The following SLC4A4 variants were observed in gnomAD, a reference collection of about 807,000 sequenced individuals.
SLC4A4 encodes the protein electrogenic sodium bicarbonate cotransporter 1.
A neutral mutation model predicts 111.5 loss-of-function variants in SLC4A4; 27 were observed. That is an observed-to-expected ratio of 0.24 (90% CI 0.18 to 0.33). SLC4A4 has a LOEUF of 0.33. SLC4A4 is among the 10% of genes least tolerant of loss of function. SLC4A4 has a pLI of 1.00. For synonymous variants in SLC4A4, 443 were observed against 463.4 expected, an observed-to-expected ratio of 0.96 and a Z score of 0.57; for missense variants, 909 against 1,315.5, an observed-to-expected ratio of 0.69 and a Z score of 4.78.
At chr4:71,172,813 C>T (rs1184346873) in intron 2 of SLC4A4, among the ~76,000 whole-genome samples, 1 of 152,184 alleles carries the variant, frequency 6.6e-6, no homozygotes, top group Non-Finnish European at 1.5e-5. Context: ...AAAGATTTCC[C>T]TCCTCCGCTT....
intron 3 of SLC4A4, among the ~76,000 whole-genome samples, chr4:71,291,500 C>A (rs868373980): frequency 2.6e-5 from 4 of 151,834 alleles, no homozygotes; most frequent in East Asian, 1.9e-4. Flanking sequence ...AGTGCAGTGG[C>A]AAAATCATAG....
At chr4:71,325,927 A>C (rs910936214) in intron 3 of SLC4A4, among the ~76,000 whole-genome samples, 1 of 151,900 alleles carries the variant, frequency 6.6e-6, no homozygotes, top group Admixed American at 6.6e-5. Context: ...TATGTTTATA[A>C]AACTTTATTC....
At chr4:71,408,093 C>T (rs555153841) in intron 7 of SLC4A4, among the ~76,000 whole-genome samples, 7 of 152,272 alleles carry the variant, frequency 4.6e-5, no homozygotes, top group African/African-American at 1.4e-4. Flanking sequence ...TATAAACTTA[C>T]AATCTGAGAT....
intron 7 of SLC4A4, among the ~76,000 whole-genome samples, chr4:71,410,971 C>T (rs982148370): frequency 6.6e-6 from 1 of 152,116 alleles, no homozygotes; most frequent in Non-Finnish European, 1.5e-5. Context: ...AGAAAGCTGA[C>T]AAAGCACTGT....
rs912648733 is a variant in SLC4A4 at position 71,376,825 on chromosome 4, C to T, written c.730+19638C>T. Among the ~76,000 whole-genome samples, 8 of 151,578 alleles carry T rather than the reference C, an allele frequency of 5.3e-5. No homozygotes were observed. In the East Asian group the frequency reaches 7.8e-4, roughly 15 times the overall value. On this transcript the variant is annotated intron_variant, in intron 6 of 25. Coordinates refer to ENST00000264485, the MANE Select transcript of SLC4A4 (RefSeq NM_001098484.3). ...CTAATTTTTGTGTTTTTAGTAGAGA[C>T]GGGGTTTTGCCATGTTGCCGAGGCT...
intron 3 of SLC4A4, among the ~76,000 whole-genome samples, chr4:71,297,370 C>G (rs1724873778): frequency 6.6e-6 from 1 of 152,132 alleles, no homozygotes; most frequent in Admixed American, 6.5e-5. Context: ...TAGCATCATA[C>G]ATCTTCTCTG....
chr4:71,496,184 A>G (rs1187875567), intron 15 of SLC4A4, among the ~76,000 whole-genome samples: 1 of 152,102 alleles, frequency 6.6e-6, no homozygotes, highest in Non-Finnish European at 1.5e-5. Context: ...TGATTAAATC[A>G]TCCAAGTTTC....
chr4:71,085,816 A>G (rs1742150405), intron 1 of SLC4A4, among the ~76,000 whole-genome samples: 1 of 151,980 alleles, frequency 6.6e-6, no homozygotes, highest in Non-Finnish European at 1.5e-5. Flanking sequence ...GCCTTGTAGT[A>G]TAGTTCAAAG....
At chr4:71,382,073 T>A (rs1718195018) in intron 6 of SLC4A4, among the ~76,000 whole-genome samples, 1 of 152,078 alleles carries the variant, frequency 6.6e-6, no homozygotes, top group Non-Finnish European at 1.5e-5. Context: ...ATACAAATAT[T>A]TAGAGGAAAG....
rs1257931654 is a variant in SLC4A4, at chr4:71,569,661, A to C, written c.*1910A>C. On this transcript the variant is annotated 3_prime_UTR_variant, in exon 26 of 26. Coordinates refer to ENST00000264485, the MANE Select transcript of SLC4A4 (RefSeq NM_001098484.3). The stretch of plus-strand genomic sequence containing the variant: ...ATAACCAGTTGTTGAGGGGTATACT[A>C]GAAGCAGAATGAAACCACATTTTTT... 2 of 151,710 alleles carry C rather than the reference A, an allele frequency of 1.3e-5. No individual in the cohort carries two copies. The highest frequency in any genetic ancestry group is 3.0e-5 in the Non-Finnish European group (2 of 67,790). 9.4% of individuals were successfully genotyped at this position (151,710 alleles called of 1,614,324 possible).
At chr4:71,145,229 G>A (rs1042218091) in intron 2 of SLC4A4, among the ~76,000 whole-genome samples, 6 of 151,926 alleles carry the variant, frequency 3.9e-5, no homozygotes, top group African/African-American at 7.2e-5. Context: ...TCTTTGGTTC[G>A]TTTATATGCT....
intron 6 of SLC4A4, among the ~76,000 whole-genome samples, chr4:71,367,050 C>A (rs1049630818): frequency 6.6e-6 from 1 of 152,152 alleles, no homozygotes; most frequent in Non-Finnish European, 1.5e-5. Flanking sequence ...CTGGCGAGTG[C>A]CAGGCTTCAT....
At chr4:71,296,929 T>G (rs915283771) in intron 3 of SLC4A4, among the ~76,000 whole-genome samples, 2 of 152,232 alleles carry the variant, frequency 1.3e-5, no homozygotes, top group African/African-American at 4.8e-5. Context: ...GATTTTAAAG[T>G]ATTACTGGAA....
intron 14 of SLC4A4, among the ~76,000 whole-genome samples, chr4:71,480,948 C>T (rs770539300): frequency 6.6e-6 from 1 of 151,812 alleles, no homozygotes; most frequent in Non-Finnish European, 1.5e-5. Flanking sequence ...ACATTCATCC[C>T]AGGGACAAGG....
intron 6 of SLC4A4, among the ~76,000 whole-genome samples, chr4:71,378,156 G>C (rs1732593902): frequency 1.3e-5 from 2 of 152,120 alleles, no homozygotes; most frequent in South Asian, 4.2e-4. Context: ...ATTTGGGTGG[G>C]GACACAGCCA....
chr4:71,320,035 A>G (rs1190842251), intron 3 of SLC4A4, among the ~76,000 whole-genome samples: 1 of 152,146 alleles, frequency 6.6e-6, no homozygotes, highest in East Asian at 1.9e-4. Flanking sequence ...TATAGGAATC[A>G]GCTGCTGCAA....
intron 3 of SLC4A4, among the ~76,000 whole-genome samples, chr4:71,313,538 T>C (rs1726393152): frequency 6.6e-6 from 1 of 152,156 alleles, no homozygotes; most frequent in Non-Finnish European, 1.5e-5. Flanking sequence ...AAGGCTACAG[T>C]AACCAAAACA....
chr4:71,214,113 G>T (rs1412894339), intron 1 of SLC4A4, among the ~76,000 whole-genome samples: 1 of 152,128 alleles, frequency 6.6e-6, no homozygotes, highest in East Asian at 1.9e-4. Flanking sequence ...CTGGGGTTTT[G>T]TGTGGAGAAC....
chr4:71,157,351 T>G (rs11722057), intron 2 of SLC4A4, among the ~76,000 whole-genome samples: 27,052 of 152,118 alleles, frequency 0.18, 2,876 homozygotes, highest in South Asian at 0.34. Flanking sequence ...GTAATACATA[T>G]TAATACAATA....
Sources: gnomAD v4.1 joint callset for allele counts (sites outside exome capture counted in the v4.1 genomes callset) on GRCh38, gnomAD v4.1.1 for gene constraint, MANE v1.5 for transcripts, NCBI Gene and HGNC (gene_info 2026-07-23, HGNC 2026-07-21) for gene names.